Variants in ARSB observed in about 807,000 individuals in gnomAD.
ARSB encodes the protein N-acetylgalactosamine-4-sulfatase.
Under a neutral mutation model 50.9 loss-of-function variants are expected in ARSB, and 41 were observed. The ratio of observed to expected loss-of-function variants is 0.81; its 90% CI spans 0.63 to 1.04. The LOEUF (loss-of-function observed/expected upper bound fraction) is 1.04. Among genes scored for constraint, ARSB ranks in the 50% least tolerant of loss-of-function variants. The pLI is 0.00. For missense variants in ARSB, 672 were observed against 693.3 expected (o/e 0.97, Z 0.35); for synonymous variants, 269 against 284.8 (o/e 0.94, Z 0.56).
At chr5:78,856,921 G>A (rs1316745286) in intron 5 of ARSB, among the ~76,000 whole-genome samples, 1 of 152,164 alleles carries the variant, frequency 6.6e-6, no homozygotes. Context: ...CTTTCAGGGT[G>A]TGCATCCCAA....
At position 78,984,940 on chromosome 5, in the gene ARSB, G is replaced by T; in HGVS notation, c.309C>A (p.Tyr103Ter). The change falls in exon 1 of 8, where the codon TAC becomes TAA. Residue 103 changes from tyrosine to a stop codon, truncating the protein, a stop_gained. Coordinates refer to ENST00000264914, the MANE Select transcript of ARSB (RefSeq NM_000046.5). LOFTEE classifies it high-confidence loss of function. The part of the protein sequence containing the change: ...PSRSQLLTGR[Y>*]QIRTGLQHQI... The stretch of plus-strand genomic sequence containing the variant: ...GGGCGGCGGGGGCGCCGCGTACCTG[G>T]TAGCGGCCAGTGAGCAGCTGGCTCC... 2.1e-6 allele frequency: 3 copies of T among 1,417,112 alleles called. No homozygotes were observed. Among genetic ancestry groups the T allele is most frequent in the Non-Finnish European group, 2.8e-6 (3 of 1,082,054 alleles). 87.8% of individuals were successfully genotyped at this position (1,417,112 alleles called of 1,614,324 possible).
chr5:78,832,223 A>G (rs1744725094), intron 6 of ARSB, among the ~76,000 whole-genome samples: 1 of 152,200 alleles, frequency 6.6e-6, no homozygotes, highest in South Asian at 2.1e-4. Context: ...TGAACTCTAC[A>G]GAAGGCGCAG....
intron 6 of ARSB, among the ~76,000 whole-genome samples, chr5:78,803,394 A>T (rs924830644): frequency 1.3e-5 from 2 of 152,216 alleles, no homozygotes; most frequent in Non-Finnish European, 2.9e-5. Flanking sequence ...TTCCAAGAGA[A>T]ATATGTGCTA....
At chr5:78,811,135 T>C (rs1052336653) in intron 6 of ARSB, among the ~76,000 whole-genome samples, 1 of 152,204 alleles carries the variant, frequency 6.6e-6, no homozygotes, top group African/African-American at 2.4e-5. Context: ...CCTATCATCA[T>C]GTTAGGTTTC....
At chr5:78,948,801 T>C (rs1453005310) in intron 4 of ARSB, among the ~76,000 whole-genome samples, 1 of 152,174 alleles carries the variant, frequency 6.6e-6, no homozygotes, top group Non-Finnish European at 1.5e-5. Flanking sequence ...ACCACATACA[T>C]TCCTTGTAAG....
intron 6 of ARSB, among the ~76,000 whole-genome samples, chr5:78,803,753 T>G (rs1743474074): frequency 6.6e-6 from 1 of 152,222 alleles, no homozygotes; most frequent in African/African-American, 2.4e-5. Flanking sequence ...AGACCAGAGG[T>G]CTTCCCCCAT....
intron 3 of ARSB, among the ~76,000 whole-genome samples, chr5:78,956,749 T>G (rs781661205): frequency 6.6e-6 from 1 of 152,140 alleles, no homozygotes; most frequent in East Asian, 1.9e-4. Flanking sequence ...ATTTTACAGA[T>G]GAGTTAACTG....
At chr5:78,873,129 G>A (rs574884321) in intron 5 of ARSB, among the ~76,000 whole-genome samples, 2 of 152,146 alleles carry the variant, frequency 1.3e-5, no homozygotes, top group East Asian at 3.9e-4. Context: ...ACCATTACAG[G>A]ATATTTCAAC....
chr5:78,796,973 G>A (rs941403445), intron 6 of ARSB, among the ~76,000 whole-genome samples: 80 of 150,672 alleles, frequency 5.3e-4, no homozygotes, highest in South Asian at 1.3e-3. Context: ...CGCCTCCCGG[G>A]TTCACGCCAT....
At chr5:78,983,175 T>C (rs1037234652) in intron 1 of ARSB, among the ~76,000 whole-genome samples, 6 of 152,196 alleles carry the variant, frequency 3.9e-5, no homozygotes, top group Non-Finnish European at 8.8e-5. Flanking sequence ...TGACTCAGTC[T>C]CCCGAGTAGC....
At chr5:78,980,720 A>G (rs1295308648) in intron 1 of ARSB, among the ~76,000 whole-genome samples, 1 of 100,702 alleles carries the variant, frequency 9.9e-6, no homozygotes, top group African/African-American at 4.1e-5. Context: ...CTGAATGTCT[A>G]AGGAAGTGTG....
intron 5 of ARSB, among the ~76,000 whole-genome samples, chr5:78,846,274 T>C (rs2112017512): frequency 6.6e-6 from 1 of 152,330 alleles, no homozygotes; most frequent in African/African-American, 2.4e-5. Flanking sequence ...CATGCTGTAT[T>C]GGTTACTATA....
chr5:78,921,359 AC>A (rs1247702405), intron 4 of ARSB, among the ~76,000 whole-genome samples: 1 of 151,552 alleles, frequency 6.6e-6, no homozygotes, highest in Non-Finnish European at 1.5e-5. Flanking sequence ...AAAATACACA[AC>A]AGACTGTGCG....
chr5:78,859,269 G>A (rs896358721), intron 5 of ARSB, among the ~76,000 whole-genome samples: 1 of 152,120 alleles, frequency 6.6e-6, no homozygotes, highest in Admixed American at 6.5e-5. Flanking sequence ...TGGGTCTAGA[G>A]TTATATATGG....
chr5:78,869,991 G>A (rs1358396825), intron 5 of ARSB, among the ~76,000 whole-genome samples: 19 of 143,570 alleles, frequency 1.3e-4, no homozygotes, highest in South Asian at 2.3e-4. Flanking sequence ...TATCACCACC[G>A]ATCCCACAGA....
At chr5:78,976,116 C>T (rs1019820982) in intron 1 of ARSB, among the ~76,000 whole-genome samples, 3 of 151,808 alleles carry the variant, frequency 2.0e-5, no homozygotes, top group African/African-American at 7.3e-5. Context: ...GCATAACATG[C>T]CTCCAAGCGA....
intron 2 of ARSB, among the ~76,000 whole-genome samples, chr5:78,966,389 C>G (rs1752206673): frequency 6.7e-6 from 1 of 148,436 alleles, no homozygotes; most frequent in African/African-American, 2.4e-5. Context: ...TCTTGAACAA[C>G]CAAATCTTCT....
intron 6 of ARSB, among the ~76,000 whole-genome samples, chr5:78,822,569 A>T (rs182198087): frequency 6.6e-6 from 1 of 152,284 alleles, no homozygotes; most frequent in East Asian, 1.9e-4. Flanking sequence ...AATTATACAT[A>T]ATCTCACCCT....
chr5:78,873,497 A>ATTTTTTTTTTTTTTTT (rs1561475467), intron 5 of ARSB, among the ~76,000 whole-genome samples: 1 of 23,404 alleles, frequency 4.3e-5, no homozygotes, highest in Non-Finnish European at 1.2e-4. Flanking sequence ...TTAAAACTGT[A>ATTTTTTTTTTTTTTTT]ATTTTTTTTT....
Sources: gnomAD v4.1 joint callset for allele counts (sites outside exome capture counted in the v4.1 genomes callset) on GRCh38, gnomAD v4.1.1 for gene constraint, MANE v1.5 for transcripts, NCBI Gene and HGNC (gene_info 2026-07-23, HGNC 2026-07-21) for gene names.